The following GLCCI1 variants were observed in gnomAD, a reference collection of about 807,000 sequenced individuals.
The protein encoded by GLCCI1 is glucocorticoid-induced transcript 1 protein.
GLCCI1 carries 24 observed loss-of-function variants against 52.2 expected under a neutral mutation model. The observed-to-expected ratio is 0.46, with a 90% CI of 0.33 to 0.65. GLCCI1 has a LOEUF of 0.65. Ranked by LOEUF, GLCCI1 falls within the 30% of genes least tolerant of loss-of-function variation. The pLI, the probability that GLCCI1 is intolerant of heterozygous loss-of-function variation, is 0.02. For synonymous variants in GLCCI1, 310 were observed against 276.5 expected (o/e 1.12, Z -1.20); for missense variants, 704 against 701.5 (o/e 1.00, Z -0.04).
intron 2 of GLCCI1, among the ~76,000 whole-genome samples, chr7:8,015,767 C>T (rs1001236547): frequency 2.0e-5 from 3 of 152,076 alleles, no homozygotes. Flanking sequence ...CTAAAATTAC[C>T]AAAGTCAAAA....
chr7:7,992,103 C>CTT (rs1780852405), intron 1 of GLCCI1, among the ~76,000 whole-genome samples: 2 of 118,592 alleles, frequency 1.7e-5, no homozygotes, highest in Admixed American at 8.4e-5. Flanking sequence ...TTCTTTCTGT[C>CTT]TGTTTCTCTC....
chr7:8,007,560 AT>A lies in GLCCI1; in HGVS notation c.609+3502del, dbSNP rs368393973. ...TTAATTGAAGATACAAGAGATGAAC[AT>A]ATGAGATACTTTTTATGGCGACATC... is the stretch of plus-strand genomic sequence containing the variant. On this transcript the variant is annotated intron_variant, in intron 2 of 7. Coordinates refer to ENST00000223145, the MANE Select transcript of GLCCI1 (RefSeq NM_138426.4). 4.6e-3 allele frequency among the ~76,000 whole-genome samples: 699 copies of A among 152,350 alleles called. 3 individuals are homozygous for A. The highest frequency in any genetic ancestry group is 0.016 in the African/African-American group (645 of 41,580).
chr7:8,080,501 C>CTCTT (rs1232611315), intron 6 of GLCCI1, among the ~76,000 whole-genome samples: 1 of 151,462 alleles, frequency 6.6e-6, no homozygotes, highest in African/African-American at 2.5e-5. Flanking sequence ...GATGATAGAT[C>CTCTT]TCTTTACACT....
At chr7:8,061,817 C>G (rs1413394288) in intron 5 of GLCCI1, among the ~76,000 whole-genome samples, 2 of 151,928 alleles carry the variant, frequency 1.3e-5, no homozygotes, top group African/African-American at 2.4e-5. Context: ...CAGGCACACA[C>G]CACCATGCCC....
chr7:7,986,430 CAGG>C (rs1242489964), intron 1 of GLCCI1, among the ~76,000 whole-genome samples: 1 of 151,840 alleles, frequency 6.6e-6, no homozygotes, highest in Non-Finnish European at 1.5e-5. Flanking sequence ...GAGGCTGAGG[CAGG>C]AGAATGGCAT....
At chr7:7,973,909 C>G (rs1371497119) in intron 1 of GLCCI1, among the ~76,000 whole-genome samples, 1 of 151,858 alleles carries the variant, frequency 6.6e-6, no homozygotes, top group Non-Finnish European at 1.5e-5. Context: ...ATTTTAATAA[C>G]TTTTTCTCTT....
intron 6 of GLCCI1, among the ~76,000 whole-genome samples, chr7:8,081,293 GA>G (rs1562453918): frequency 6.6e-6 from 1 of 152,058 alleles, no homozygotes; most frequent in Non-Finnish European, 1.5e-5. Context: ...TAAAACATCT[GA>G]TAAGTCTAAT....
At chr7:8,019,719 C>T (rs1034802301) in intron 2 of GLCCI1, among the ~76,000 whole-genome samples, 12 of 152,132 alleles carry the variant, frequency 7.9e-5, no homozygotes, top group African/African-American at 2.7e-4. Context: ...AACTGTACAG[C>T]ATGTTACCGT....
At chr7:8,020,106 CAT>C (rs1358211279) in intron 2 of GLCCI1, among the ~76,000 whole-genome samples, 6 of 152,176 alleles carry the variant, frequency 3.9e-5, no homozygotes, top group African/African-American at 1.4e-4. Flanking sequence ...AAAACACAAA[CAT>C]ATTTTACAAC....
At chr7:8,070,745 T>G in intron 5 of GLCCI1, 176 bp from the exon 6 acceptor site, 1 of 588,900 alleles carries the variant, frequency 1.7e-6, no homozygotes, top group Non-Finnish European at 3.0e-6. Context: ...AATGTTTAGT[T>G]CAATAAAGGT....
chr7:7,969,166 C>T lies in GLCCI1; in HGVS notation c.-185C>T, dbSNP rs796325124. ...TGTTTTCGCAGCCTTCCCCTCCCCC[C>T]TCGCCGAGGCGGCGGGGGTGTGCGT... is the stretch of plus-strand genomic sequence containing the variant. On this transcript the variant is annotated 5_prime_UTR_variant, in exon 1 of 8. Transcript: ENST00000223145. The surrounding 1 kb of genome is among the most constrained non-coding windows in gnomAD (Gnocchi z 4.9). 18 of 530,938 alleles carry T rather than the reference C, an allele frequency of 3.4e-5. No homozygotes were observed. In the South Asian group the frequency reaches 6.7e-4, roughly 20 times the overall value. The allele number at this position is 530,938 out of a possible 1,614,324, so 32.9% of individuals were successfully genotyped here. A position where few individuals can be genotyped will look rare whatever the true frequency, so the allele number is the denominator to read the frequency against.
intron 6 of GLCCI1, 183 bp from the exon 7 acceptor site, chr7:8,084,714 G>C: frequency 3.7e-6 from 2 of 545,144 alleles, no homozygotes; most frequent in South Asian, 5.5e-5. Context: ...GATGACTGTT[G>C]CATTGCAGTT....
chr7:8,034,322 C>G (rs1781819370), intron 3 of GLCCI1, among the ~76,000 whole-genome samples: 1 of 152,052 alleles, frequency 6.6e-6, no homozygotes, highest in Non-Finnish European at 1.5e-5. Flanking sequence ...ATTAGACATT[C>G]TTAGATACAA....
At chr7:8,025,242 G>A (rs1334010550) in intron 3 of GLCCI1, among the ~76,000 whole-genome samples, 1 of 152,078 alleles carries the variant, frequency 6.6e-6, no homozygotes, top group Non-Finnish European at 1.5e-5. Context: ...TGAAATTCAA[G>A]TGGGCTACTG....
intron 3 of GLCCI1, among the ~76,000 whole-genome samples, chr7:8,054,936 TAA>T (rs1176006914): frequency 1.3e-5 from 2 of 151,920 alleles, no homozygotes; most frequent in Non-Finnish European, 2.9e-5. Context: ...TAAATATTAA[TAA>T]GTTACTAAAT....
At chr7:8,046,000 A>C (rs1241822168) in intron 3 of GLCCI1, among the ~76,000 whole-genome samples, 1 of 152,158 alleles carries the variant, frequency 6.6e-6, no homozygotes, top group South Asian at 2.1e-4. Flanking sequence ...AAGATGTTCA[A>C]ATGAAGTCAT....
chr7:8,029,435 A>G (rs955806172), intron 3 of GLCCI1, among the ~76,000 whole-genome samples: 4 of 152,206 alleles, frequency 2.6e-5, no homozygotes, highest in African/African-American at 9.6e-5. Context: ...CTGGCTGTAG[A>G]AGGAATATAC....
intron 1 of GLCCI1, among the ~76,000 whole-genome samples, chr7:8,001,791 A>G (rs1222569449): frequency 6.6e-6 from 1 of 152,224 alleles, no homozygotes; most frequent in Non-Finnish European, 1.5e-5. Context: ...GAATGAGTTC[A>G]TGACCTTTGC....
intron 5 of GLCCI1, 133 bp downstream of exon 5, chr7:8,060,381 C>G (rs1782486540): frequency 3.0e-6 from 2 of 672,252 alleles, no homozygotes; most frequent in African/African-American, 1.8e-5. Context: ...GTGTACAATT[C>G]AGTGGTTTTT....
Sources: allele counts gnomAD v4.1 joint callset (sites outside exome capture counted in the v4.1 genomes callset), GRCh38; gene constraint gnomAD v4.1.1; non-coding constraint Gnocchi (gnomAD v3.1); transcripts MANE v1.5; gene names NCBI Gene and HGNC (gene_info 2026-07-23, HGNC 2026-07-21).